Variants in KLHL5 observed in about 807,000 individuals in gnomAD.
KLHL5 encodes kelch like family member 5.
KLHL5 carries 48 observed loss-of-function variants against 77.7 expected under a neutral mutation model. The ratio of observed to expected loss-of-function variants is 0.62; its 90% CI spans 0.49 to 0.79. The LOEUF is 0.79. KLHL5 is among the 30% of genes least tolerant of loss of function. KLHL5 has a pLI of 0.00. For missense variants in KLHL5, 723 were observed against 859.7 expected (o/e 0.84, Z 1.99); for synonymous variants, 260 against 297.0 (o/e 0.88, Z 1.28).
At chr4:39,049,643 G>A (rs1187904701) in intron 1 of KLHL5, among the ~76,000 whole-genome samples, 2 of 151,990 alleles carry the variant, frequency 1.3e-5, no homozygotes, top group Non-Finnish European at 2.9e-5. Flanking sequence ...AGGCTGCAGT[G>A]AGCCATGATC....
At chr4:39,095,600 C>T (rs762939301) in intron 5 of KLHL5, among the ~76,000 whole-genome samples, 1 of 151,554 alleles carries the variant, frequency 6.6e-6, no homozygotes, top group African/African-American at 2.4e-5. Flanking sequence ...TTTACATATA[C>T]ACGTATATAT....
At chr4:39,101,126 T>TATA (rs1553892884) in intron 6 of KLHL5, among the ~76,000 whole-genome samples, 1,355 of 134,842 alleles carry the variant, frequency 0.01, 43 homozygotes, top group African/African-American at 0.036. Context: ...TATTTGGATT[T>TATA]TATATATATA....
chr4:39,056,010 A>G (rs1180202654), intron 1 of KLHL5, among the ~76,000 whole-genome samples: 1 of 152,234 alleles, frequency 6.6e-6, no homozygotes, highest in African/African-American at 2.4e-5. Flanking sequence ...GGCTTTTACC[A>G]TGAAGTCATC....
At chr4:39,059,388 T>C (rs1013572360), upstream of KLHL5, among the ~76,000 whole-genome samples, 1 of 151,964 alleles carries the variant, frequency 6.6e-6, no homozygotes, top group African/African-American at 2.4e-5. Context: ...ACATTAATAA[T>C]GAAGAAAATG....
rs1005889975 is a variant in KLHL5, at chr4:39,101,148, C to A, written c.1301-2139C>A. ...ATTTTATATATATATATATATATAT[C>A]TACCTGAGACTGTGTTTTAATATCT... On this transcript the variant is annotated intron_variant, in intron 6 of 10. Transcript: ENST00000504108. Among the ~76,000 whole-genome samples, 238 of 36,312 alleles carry A rather than the reference C, an allele frequency of 6.6e-3. 1 individual carries two copies. The highest frequency in any genetic ancestry group is 0.015 in the African/African-American group (147 of 9,786). 23.8% of individuals were successfully genotyped at this position (36,312 alleles called of 152,430 possible). A position where few individuals can be genotyped will look rare whatever the true frequency, so the allele number is the denominator to read the frequency against.
intron 8 of KLHL5, among the ~76,000 whole-genome samples, chr4:39,110,808 C>T (rs1722403058): frequency 6.6e-6 from 1 of 152,070 alleles, no homozygotes; most frequent in Non-Finnish European, 1.5e-5. Context: ...TCAGGCAAGA[C>T]CTAAATCTTA....
upstream of KLHL5, chr4:39,044,886 A>AC (rs1210200063): frequency 7.3e-6 from 7 of 954,068 alleles, no homozygotes; most frequent in African/African-American, 3.6e-5. Flanking sequence ...GGGGACTCTG[A>AC]CCCCCCGGCC....
rs1299193393 is a variant in KLHL5 at position 39,123,256 on chromosome 4, A to C, written c.*2190A>C. Among the ~76,000 whole-genome samples, 1 of 152,224 alleles carries C rather than the reference A, an allele frequency of 6.6e-6. No homozygotes were observed. Among genetic ancestry groups the C allele is most frequent in the African/African-American group, 2.4e-5 (1 of 41,452 alleles). ...TCCCAACAAAGAAAGTCCAGGACTA[A>C]ATGAGTTTACTGGCAAACTATGCCA... On this transcript the variant is annotated 3_prime_UTR_variant, in exon 11 of 11. Transcript: ENST00000504108.
intron 6 of KLHL5, among the ~76,000 whole-genome samples, chr4:39,102,561 T>C (rs1721679405): frequency 6.6e-6 from 1 of 152,052 alleles, no homozygotes; most frequent in Admixed American, 6.6e-5. Flanking sequence ...CCCTGGATAC[T>C]GTGCTTTCCT....
chr4:39,097,990 C>G (rs1048744854), intron 6 of KLHL5, among the ~76,000 whole-genome samples: 2 of 151,390 alleles, frequency 1.3e-5, no homozygotes, highest in Admixed American at 1.3e-4. Flanking sequence ...AAAATTAGCC[C>G]AACAATGGTG....
chr4:39,087,659 T>G (rs973550827), intron 5 of KLHL5, among the ~76,000 whole-genome samples: 13 of 152,302 alleles, frequency 8.5e-5, no homozygotes, highest in African/African-American at 2.9e-4. Flanking sequence ...ACATGCATAG[T>G]TTTCCCCTTT....
At chr4:39,083,467 A>AT (rs1387402276) in intron 4 of KLHL5, among the ~76,000 whole-genome samples, 5 of 152,162 alleles carry the variant, frequency 3.3e-5, no homozygotes, top group African/African-American at 1.2e-4. Context: ...TTTCTCAGGA[A>AT]TTTTTTATGA....
downstream of KLHL5, among the ~76,000 whole-genome samples, chr4:39,130,697 C>T (rs973620763): frequency 1.6e-4 from 25 of 152,158 alleles, no homozygotes; most frequent in African/African-American, 5.3e-4. Context: ...ACAATGGTGC[C>T]GTAGGCTCCT....
chr4:39,118,138 G>T (rs1056860266), intron 10 of KLHL5, among the ~76,000 whole-genome samples: 3 of 136,998 alleles, frequency 2.2e-5, no homozygotes. Context: ...GATGATGATA[G>T]AAAGTTAGTA....
chr4:39,095,120 A>C (rs1191435678), intron 5 of KLHL5, among the ~76,000 whole-genome samples: 1 of 152,212 alleles, frequency 6.6e-6, no homozygotes, highest in Non-Finnish European at 1.5e-5. Flanking sequence ...GTGTATTACA[A>C]GGAACTCTTA....
In KLHL5 at chr4:39,082,122, G is replaced by C; in HGVS notation, c.863G>C (p.Cys288Ser). 1 of 1,608,922 alleles carries C rather than the reference G, an allele frequency of 6.2e-7. No homozygotes were observed. Among genetic ancestry groups the C allele is most frequent in the Non-Finnish European group, 8.5e-7 (1 of 1,178,630 alleles). ...GIRSFADAQG[C>S]TDLHKVAHNY... ...CGTTCTTTTGCTGATGCCCAAGGTT[G>C]TACAGATTTGCATAAAGTGGCTCAC... The change falls in exon 4 of 11, where the codon TGT becomes TCT. Residue 288 changes from cysteine (C) to serine (S), a missense_variant. Coordinates refer to ENST00000504108, the MANE Select transcript of KLHL5 (RefSeq NM_015990.5).
downstream of KLHL5, among the ~76,000 whole-genome samples, chr4:39,130,833 T>C (rs1723770978): frequency 6.6e-6 from 1 of 151,996 alleles, no homozygotes; most frequent in Admixed American, 6.6e-5. Context: ...ATTATGAGAT[T>C]ACAAATAATT....
At chr4:39,075,157 C>T (rs1718890869) in intron 1 of KLHL5, among the ~76,000 whole-genome samples, 1 of 151,920 alleles carries the variant, frequency 6.6e-6, no homozygotes, top group African/African-American at 2.4e-5. Context: ...CATAGAGAAA[C>T]CCCATCTCTA....
chr4:39,108,179 G>A (rs926593374), intron 8 of KLHL5, among the ~76,000 whole-genome samples: 1 of 151,566 alleles, frequency 6.6e-6, no homozygotes, highest in Non-Finnish European at 1.5e-5. Flanking sequence ...TCTTATCTTG[G>A]AAAACTGGTG....
Sources: gnomAD v4.1 joint callset for allele counts (sites outside exome capture counted in the v4.1 genomes callset) on GRCh38, gnomAD v4.1.1 for gene constraint, MANE v1.5 for transcripts, NCBI Gene and HGNC (gene_info 2026-07-23, HGNC 2026-07-21) for gene names.